MYLK: variants seen among roughly 807,000 people sequenced by gnomAD.
MYLK encodes myosin light chain kinase.
A neutral mutation model predicts 203.4 loss-of-function variants in MYLK; 106 were observed. The observed-to-expected ratio is 0.52, with a 90% CI of 0.45 to 0.61. MYLK has a LOEUF of 0.61. Ranked by LOEUF, MYLK falls within the 20% of genes least tolerant of loss-of-function variation. MYLK has a pLI of 0.00. For missense variants in MYLK, 2,072 were observed against 2,442.3 expected, an observed-to-expected ratio of 0.85 and a Z score of 3.20; for synonymous variants, 867 against 959.5, an observed-to-expected ratio of 0.90 and a Z score of 1.78.
At position 123,734,224 on chromosome 3, in the gene MYLK, TGTG is replaced by T. The variant is rs2062596965; in HGVS notation, c.774-5_774-3del. 7.6e-7 allele frequency: 1 copy of T among 1,311,116 alleles called. No homozygotes were observed. Among genetic ancestry groups the T allele is most frequent in the Admixed American group, 2.4e-5 (1 of 41,308 alleles). The allele number at this position is 1,311,116 out of a possible 1,614,324, so 81.2% of individuals were successfully genotyped here. A position where few individuals can be genotyped will look rare whatever the true frequency, so the allele number is the denominator to read the frequency against. On this transcript the variant is annotated splice_polypyrimidine_tract_variant and splice_region_variant and intron_variant, in intron 9 of 33. Coordinates refer to ENST00000360304, the MANE Select transcript of MYLK (RefSeq NM_053025.4). ...GCTTTTGTTTCTCTCACAAATGACC[TGTG>T]TGGTGGTGAGGGTGGGGGTAGGGTG...
At position 123,628,281 on chromosome 3, in the gene MYLK, A is replaced by G. The variant is rs139846547; in HGVS notation, c.5114+1193T>C. Among the ~76,000 whole-genome samples the G allele has an allele frequency of 1.6e-3, 238 of 152,308 alleles. 1 individual carries two copies. Among genetic ancestry groups the G allele is most frequent in the Non-Finnish European group, 2.8e-3 (190 of 68,018 alleles). ...TGACAGAGCCATCTGAGACACTCCA[A>G]TATTGCTCCTTCAGCAACTAACTGT... is the stretch of plus-strand genomic sequence containing the variant. On this transcript the variant is annotated intron_variant, in intron 30 of 33. Transcript: ENST00000360304.
At chr3:123,771,783 C>A (rs1207480846) in intron 4 of MYLK, among the ~76,000 whole-genome samples, 2 of 152,152 alleles carry the variant, frequency 1.3e-5, no homozygotes, top group East Asian at 3.8e-4. Context: ...CTTACATTAG[C>A]TTACAGTTGG....
intron 4 of MYLK, among the ~76,000 whole-genome samples, chr3:123,778,586 C>G (rs2064167875): frequency 6.6e-6 from 1 of 152,076 alleles, no homozygotes; most frequent in African/African-American, 2.4e-5. Context: ...ACAGACAGCC[C>G]CTTCCCAGGG....
chr3:123,682,288 G>A lies in MYLK; in HGVS notation c.3588C>T (p.Thr1196=). Residue 1196 remains threonine (T), a synonymous_variant, in exon 20 of 34, where the codon ACC becomes ACT. Coordinates refer to ENST00000360304, the MANE Select transcript of MYLK (RefSeq NM_053025.4). The part of the protein sequence containing the change: ...TVDDAPASEN[T]KAPEMKSRRP... ...TCCGGGATTTCATCTCTGGGGCCTT[G>A]GTGTTCTCACTGGCTGGAGCATCTG... 1 of 1,603,158 alleles carries A rather than the reference G, an allele frequency of 6.2e-7. No individual in the cohort carries two copies. The highest frequency in any genetic ancestry group is 8.5e-7 in the Non-Finnish European group (1 of 1,175,040).
chr3:123,625,457 G>A (rs2107957228), intron 31 of MYLK: 1 of 149,378 alleles, frequency 6.7e-6, no homozygotes, highest in African/African-American at 2.5e-5. Flanking sequence ...AATGGAGTGA[G>A]ACTTTGTCTC....
intron 2 of MYLK, among the ~76,000 whole-genome samples, chr3:123,836,325 C>T (rs949212705): frequency 1.1e-4 from 17 of 152,208 alleles, no homozygotes; most frequent in African/African-American, 3.9e-4. Flanking sequence ...CCAGCACCAA[C>T]TTCTCTTCCA....
rs998849482 is a variant in MYLK, at chr3:123,874,919, A to G, written c.-127+1640T>C. Among the ~76,000 whole-genome samples the G allele has an allele frequency of 2.0e-5, 3 of 152,344 alleles. No individual in the cohort carries two copies. The South Asian group carries it at 6.2e-4, about 32-fold the overall frequency. On this transcript the variant is annotated intron_variant, in intron 2 of 33. Transcript: ENST00000360304. ...AGTAGTCACTAAGGAAATTCAAATT[A>G]AAAACACAATATGATAAAACTATAC...
rs112156673 is a variant in MYLK, at chr3:123,848,863, T to A, written c.-126-17193A>T. Among the ~76,000 whole-genome samples, 438 of 152,392 alleles carry A rather than the reference T, an allele frequency of 2.9e-3. 1 individual carries two copies. The highest frequency in any genetic ancestry group is 0.01 in the African/African-American group (422 of 41,606). On this transcript the variant is annotated intron_variant, in intron 2 of 33. Transcript: ENST00000360304. ...TGGACTACCTCGAAACTTCTTGTTATATGGCAAATGTTAAACCCCTAGGTC... is the reference window on the plus strand; with the variant it reads ...TGGACTACCTCGAAACTTCTTGTTAAATGGCAAATGTTAAACCCCTAGGTC...
At chr3:123,805,936 T>A (rs2065350852) in intron 3 of MYLK, among the ~76,000 whole-genome samples, 1 of 152,202 alleles carries the variant, frequency 6.6e-6, no homozygotes, top group African/African-American at 2.4e-5. Context: ...TAGCAAGCAC[T>A]CAAAAAATGG....
At chr3:123,676,701 G>A (rs556190183) in intron 20 of MYLK, among the ~76,000 whole-genome samples, 7 of 152,386 alleles carry the variant, frequency 4.6e-5, no homozygotes, top group African/African-American at 1.2e-4. Context: ...CAGAACCACA[G>A]TGGAGGCAGG....
rs1323490761 is a variant in MYLK, at chr3:123,725,892, C to T, written c.1651+52G>A. 33 of 1,594,722 alleles carry T rather than the reference C, an allele frequency of 2.1e-5. 1 individual carries two copies. Among genetic ancestry groups the T allele is most frequent in the South Asian group, 1.8e-4 (16 of 88,120 alleles). On this transcript the variant is annotated intron_variant, in intron 12 of 33. Transcript: ENST00000360304. ...GAGGGATAAGTGAGAATTCAGGCAG[C>T]GCCAAAGGGCCCAGGGGATGGGAGC...
rs60670851 is a variant in MYLK, at chr3:123,738,257, C to T, written c.588+640G>A. On this transcript the variant is annotated intron_variant, in intron 7 of 33. Coordinates refer to ENST00000360304, the MANE Select transcript of MYLK (RefSeq NM_053025.4). The stretch of plus-strand genomic sequence containing the variant: ...CTTAACACCTAGAACCCTAACTTCA[C>T]AGTCCACTCTTGAGATTGTCAGGCT... Among the ~76,000 whole-genome samples, 265 of 152,292 alleles carry T rather than the reference C, an allele frequency of 1.7e-3. 2 individuals are homozygous for T. The highest frequency in any genetic ancestry group is 6.2e-3 in the African/African-American group (259 of 41,562).
chr3:123,751,191 CT>C (rs1310521780), intron 5 of MYLK, among the ~76,000 whole-genome samples: 1 of 152,186 alleles, frequency 6.6e-6, no homozygotes, highest in Non-Finnish European at 1.5e-5. Context: ...CCTTGTGTTA[CT>C]TCTGAGGGGC....
intron 3 of MYLK, 59 bp from the exon 4 acceptor site, chr3:123,793,903 C>T: frequency 6.3e-7 from 1 of 1,597,822 alleles, no homozygotes; most frequent in Non-Finnish European, 8.6e-7. Flanking sequence ...CCTGTCTTCC[C>T]TTCAGGCATC....
intron 11 of MYLK, among the ~76,000 whole-genome samples, chr3:123,728,671 CCTTGCCCCAGCTCTG>C (rs1205710826): frequency 1.3e-5 from 2 of 152,134 alleles, no homozygotes; most frequent in Non-Finnish European, 2.9e-5. Context: ...CTCTTGTGCC[CCTTGCCCCAGCTCTG>C]GGGTAACTCT....
intron 1 of MYLK, among the ~76,000 whole-genome samples, chr3:123,883,180 T>A (rs2033650676): frequency 6.6e-6 from 1 of 151,982 alleles, no homozygotes; most frequent in African/African-American, 2.4e-5. Flanking sequence ...GGGATGCAGC[T>A]CCAGGGCAGG....
At position 123,686,584 on chromosome 3, in the gene MYLK, G is replaced by A. The variant is rs961350616; in HGVS notation, c.3566-4274C>T. ...GACTGAGTGCAAGCAGTGTGCTAGC[G>A]TAGTAAGGAAGAGAGATCAGGATGC... On this transcript the variant is annotated intron_variant, in intron 19 of 33. Transcript: ENST00000360304. 2.0e-5 allele frequency among the ~76,000 whole-genome samples: 3 copies of A among 152,126 alleles called. No individual in the cohort carries two copies. In the East Asian group the frequency reaches 5.8e-4, roughly 29 times the overall value.
intron 20 of MYLK, 32 bp from the exon 21 acceptor site, chr3:123,667,219 G>T: frequency 6.2e-7 from 1 of 1,610,868 alleles, no homozygotes; most frequent in Admixed American, 1.7e-5. Context: ...GTTATTTCCT[G>T]TAGTTCTGTT....
At chr3:123,668,818 A>G (rs1368339796) in intron 20 of MYLK, among the ~76,000 whole-genome samples, 1 of 152,038 alleles carries the variant, frequency 6.6e-6, no homozygotes, top group African/African-American at 2.4e-5. Flanking sequence ...GTGAAAAACT[A>G]TATCTTCACT....
Sources: gnomAD v4.1 joint callset for allele counts (sites outside exome capture counted in the v4.1 genomes callset) on GRCh38, gnomAD v4.1.1 for gene constraint, MANE v1.5 for transcripts, NCBI Gene and HGNC (gene_info 2026-07-23, HGNC 2026-07-21) for gene names.